PNKD: variants seen among roughly 807,000 people sequenced by gnomAD.
PNKD encodes the protein PNKD metallo-beta-lactamase domain containing.
A neutral mutation model predicts 45.3 loss-of-function variants in PNKD; 36 were observed. The ratio of observed to expected loss-of-function variants is 0.80; its 90% CI spans 0.61 to 1.05. PNKD has a LOEUF of 1.05. PNKD is among the 50% of genes least tolerant of loss of function. PNKD has a pLI of 0.00. For missense variants in PNKD, 511 were observed against 506.6 expected (o/e 1.01, Z -0.08); for synonymous variants, 197 against 210.1 (o/e 0.94, Z 0.54).
chr2:218,315,377 G>T (rs973485502), intron 2 of PNKD, among the ~76,000 whole-genome samples: 3 of 151,590 alleles, frequency 2.0e-5, no homozygotes, highest in Non-Finnish European at 4.4e-5. Flanking sequence ...CTTTGACCTC[G>T]TCATCCACCC....
At chr2:218,279,015 A>G (rs1449181204) in intron 2 of PNKD, 3 of 1,613,810 alleles carry the variant, frequency 1.9e-6, no homozygotes, top group Non-Finnish European at 1.7e-6. Flanking sequence ...TCCCTGCCCA[A>G]CCACAGAGGA....
At chr2:218,302,913 G>T (rs750329516) in intron 2 of PNKD, among the ~76,000 whole-genome samples, 1 of 151,896 alleles carries the variant, frequency 6.6e-6, no homozygotes, top group Non-Finnish European at 1.5e-5. Context: ...TTACCTAAAG[G>T]CCTGGAGGTT....
intron 2 of PNKD, among the ~76,000 whole-genome samples, chr2:218,339,482 TC>T (rs1559531521): frequency 6.6e-6 from 1 of 152,122 alleles, no homozygotes; most frequent in Non-Finnish European, 1.5e-5. Flanking sequence ...CACCTCGGCC[TC>T]CCAAAGTTCT....
chr2:218,328,845 C>T (rs1010654580), intron 2 of PNKD, among the ~76,000 whole-genome samples: 2 of 152,208 alleles, frequency 1.3e-5, no homozygotes, highest in African/African-American at 4.8e-5. Context: ...TCGAGCTTCC[C>T]GTGCGCATTC....
At chr2:218,323,482 G>T in intron 2 of PNKD, 1 of 1,435,960 alleles carries the variant, frequency 7.0e-7, no homozygotes, top group East Asian at 2.9e-5. Flanking sequence ...GGCGCGCTGG[G>T]AGAGGGGACT....
intron 2 of PNKD, among the ~76,000 whole-genome samples, chr2:218,300,552 T>TC (rs1250665895): frequency 6.1e-3 from 2 of 326 alleles, no homozygotes; most frequent in Non-Finnish European, 0.043. Flanking sequence ...TTTTCTTTTC[T>TC]TTTTTTTTTT....
At chr2:218,305,044 G>A (rs1238189429) in intron 2 of PNKD, among the ~76,000 whole-genome samples, 1 of 152,086 alleles carries the variant, frequency 6.6e-6, no homozygotes, top group Non-Finnish European at 1.5e-5. Flanking sequence ...CTGCACTCCA[G>A]CCTGGGTGAC....
At chr2:218,303,435 C>T (rs1017079926) in intron 2 of PNKD, among the ~76,000 whole-genome samples, 18 of 151,852 alleles carry the variant, frequency 1.2e-4, no homozygotes, top group Admixed American at 5.9e-4. Context: ...TGGCTCTGAG[C>T]GGTGAATGGG....
chr2:218,319,746 C>T (rs1693935137), intron 2 of PNKD, among the ~76,000 whole-genome samples: 2 of 152,246 alleles, frequency 1.3e-5, no homozygotes, highest in Admixed American at 1.3e-4. Context: ...ACATTCCTCC[C>T]CACACAGTTG....
intron 2 of PNKD, among the ~76,000 whole-genome samples, chr2:218,336,345 CAT>C (rs1694492692): frequency 1.3e-5 from 2 of 151,890 alleles, no homozygotes; most frequent in Non-Finnish European, 2.9e-5. Flanking sequence ...AAGTAAGAAG[CAT>C]TTAAATTATT....
chr2:218,336,831 T>A lies in PNKD; in HGVS notation c.237-2952T>A, dbSNP rs188760193. Among the ~76,000 whole-genome samples, 575 of 145,716 alleles carry A rather than the reference T, an allele frequency of 3.9e-3. 8 individuals are homozygous for A. The East Asian group carries it at 0.056, about 14-fold the overall frequency. ...TTTTTTTTCAGACAGAGTTTCACTCTTGTTGCCCAGGCTGGAGTGCAATGG... is the reference window on the plus strand; with the variant it reads ...TTTTTTTTCAGACAGAGTTTCACTCATGTTGCCCAGGCTGGAGTGCAATGG... On this transcript the variant is annotated intron_variant, in intron 2 of 9. Coordinates refer to ENST00000273077, the MANE Select transcript of PNKD (RefSeq NM_015488.5).
At chr2:218,329,424 G>A (rs553127751) in intron 2 of PNKD, among the ~76,000 whole-genome samples, 205 of 152,356 alleles carry the variant, frequency 1.3e-3, no homozygotes, top group Non-Finnish European at 2.5e-3. Flanking sequence ...GCGGGCAGGT[G>A]GCCTGGGATT....
chr2:218,333,006 G>T (rs1174237789), intron 2 of PNKD, among the ~76,000 whole-genome samples: 1 of 152,168 alleles, frequency 6.6e-6, no homozygotes, highest in East Asian at 1.9e-4. Flanking sequence ...CGCTGGCTCG[G>T]TCTTGCAGTT....
In PNKD at chr2:218,346,288, C is replaced by T. The variant is rs934053013; in HGVS notation, c.*1307C>T. 3.0e-4 allele frequency: 46 copies of T among 153,060 alleles called. No individual in the cohort carries two copies. The highest frequency in any genetic ancestry group is 9.6e-4 in the African/African-American group (40 of 41,572). 9.5% of individuals were successfully genotyped at this position (153,060 alleles called of 1,614,324 possible). A position where few individuals can be genotyped will look rare whatever the true frequency, so the allele number is the denominator to read the frequency against. On this transcript the variant is annotated 3_prime_UTR_variant, in exon 10 of 10. Transcript: ENST00000273077. ...AAGCCTGCCCTCGGGCTCTGCTCAC[C>T]TCTGGTGACCCTCCAAGATGCCCCT...
intron 2 of PNKD, among the ~76,000 whole-genome samples, chr2:218,337,557 C>T (rs1157614394): frequency 3.3e-5 from 5 of 152,158 alleles, no homozygotes; most frequent in South Asian, 2.1e-4. Flanking sequence ...CTTGGTCATT[C>T]GTGTTTCTTA....
intron 2 of PNKD, chr2:218,292,320 G>A (rs1454788105): frequency 1.3e-5 from 2 of 152,196 alleles, no homozygotes; most frequent in African/African-American, 4.8e-5. Context: ...ATCCCCATCT[G>A]GAACGGGCTC....
At chr2:218,321,261 T>C (rs553877829) in intron 2 of PNKD, among the ~76,000 whole-genome samples, 1 of 152,348 alleles carries the variant, frequency 6.6e-6, no homozygotes, top group South Asian at 2.1e-4. Flanking sequence ...GATGCCTCCA[T>C]GATCCTTCAC....
intron 2 of PNKD, among the ~76,000 whole-genome samples, chr2:218,331,480 T>G (rs1200972919): frequency 6.6e-6 from 1 of 152,024 alleles, no homozygotes; most frequent in Non-Finnish European, 1.5e-5. Flanking sequence ...TTTATTTATT[T>G]TTTTATTTTA....
At chr2:218,330,381 G>T (rs1018152066) in intron 2 of PNKD, among the ~76,000 whole-genome samples, 1 of 152,220 alleles carries the variant, frequency 6.6e-6, no homozygotes. Flanking sequence ...GGGGCGTCTG[G>T]GGGGGCAGTG....
Sources: gnomAD v4.1 joint callset for allele counts (sites outside exome capture counted in the v4.1 genomes callset) on GRCh38, gnomAD v4.1.1 for gene constraint, MANE v1.5 for transcripts, NCBI Gene and HGNC (gene_info 2026-07-23, HGNC 2026-07-21) for gene names.